Variants in ORC2 observed in about 807,000 individuals in gnomAD.
ORC2 encodes the protein origin recognition complex subunit 2, also known as origin recognition complex protein 2 homolog.
ORC2 carries 37 observed loss-of-function variants against 77.7 expected under a neutral mutation model. The observed-to-expected ratio is 0.48, with a 90% CI of 0.37 to 0.63. The LOEUF (loss-of-function observed/expected upper bound fraction) is 0.63, where lower values mean the gene tolerates loss of function less well. Among genes scored for constraint, ORC2 ranks in the 20% least tolerant of loss-of-function variants. The pLI is 0.00. For missense variants in ORC2, 557 were observed against 661.9 expected (o/e 0.84, Z 1.74); for synonymous variants, 201 against 229.5 (o/e 0.88, Z 1.12).
intron 5 of ORC2, among the ~76,000 whole-genome samples, chr2:200,948,202 T>C (rs2041286960): frequency 6.6e-6 from 1 of 151,860 alleles, no homozygotes; most frequent in Non-Finnish European, 1.5e-5. Flanking sequence ...CGTGAGCCAC[T>C]GCACCCAGCC....
At chr2:200,958,891 A>G (rs2041520506) in intron 2 of ORC2, among the ~76,000 whole-genome samples, 1 of 152,234 alleles carries the variant, frequency 6.6e-6, no homozygotes, top group South Asian at 2.1e-4. Flanking sequence ...GCTGCCAGCT[A>G]ATCAGTTTAC....
At chr2:200,926,941 C>A (rs752539071) in intron 11 of ORC2, 41 bp from the exon 12 acceptor site, 3 of 1,569,842 alleles carry the variant, frequency 1.9e-6, no homozygotes, top group Admixed American at 1.8e-5. Context: ...AACTTCAATA[C>A]CTCTTATTGC....
chr2:200,958,061 A>G lies in ORC2; in HGVS notation c.63T>C (p.Asp21=), dbSNP rs1167072147. The change falls in exon 3 of 18, where the codon GAT becomes GAC. Residue 21 remains aspartate, a synonymous_variant. Coordinates refer to ENST00000234296, the MANE Select transcript of ORC2 (RefSeq NM_006190.5). ...MLEVHFVGDD[D]VLNHILDREG... ...CTCTATCTAGAATGTGATTAAGAAC[A>G]TCATCATCTCCCACAAAGTGAACCT... The G allele has an allele frequency of 1.2e-6, 2 of 1,610,626 alleles. No homozygotes were observed. The highest frequency in any genetic ancestry group is 2.7e-5 in the African/African-American group (2 of 74,850).
chr2:200,955,503 G>A (rs879433661), intron 4 of ORC2, among the ~76,000 whole-genome samples: 2 of 152,134 alleles, frequency 1.3e-5, no homozygotes, highest in African/African-American at 4.8e-5. Context: ...CTATTTCTAT[G>A]TCCAGATTTT....
intron 4 of ORC2, among the ~76,000 whole-genome samples, chr2:200,956,200 G>C (rs1470110830): frequency 6.6e-6 from 1 of 151,958 alleles, no homozygotes; most frequent in East Asian, 1.9e-4. Flanking sequence ...CAAGTAACTA[G>C]GACTACAGGC....
chr2:200,931,438 C>G lies in ORC2; in HGVS notation c.818G>C (p.Arg273Pro). ...AGGGGAAACCTTGCTCAATAAGTTACGCAAAGTTTGCTTTAAAAAAAAGGA... is the reference window on the plus strand; with the variant it reads ...AGGGGAAACCTTGCTCAATAAGTTAGGCAAAGTTTGCTTTAAAAAAAAGGA... ...KRAKLDQQTL[R>P]NLLSKVSPSF... is the part of the protein sequence containing the mutation. Residue 273 changes from arginine (R) to proline (P), a missense_variant, in exon 11 of 18, where the codon CGT (arginine) becomes CCT (proline). Arg to Pro is a moderately radical substitution (Grantham distance 103). Coordinates refer to ENST00000234296, the MANE Select transcript of ORC2 (RefSeq NM_006190.5). 1.3e-6 allele frequency: 2 copies of G among 1,548,518 alleles called. No individual in the cohort carries two copies. Among genetic ancestry groups the G allele is most frequent in the Non-Finnish European group, 1.7e-6 (2 of 1,149,948 alleles).
intron 12 of ORC2, 52 bp downstream of exon 12, chr2:200,926,716 T>G: frequency 6.3e-7 from 1 of 1,580,616 alleles, no homozygotes; most frequent in East Asian, 2.2e-5. Flanking sequence ...ATGTGGGGGC[T>G]TGAATTGGCA....
At chr2:200,936,608 T>C (rs569928396) in intron 8 of ORC2, among the ~76,000 whole-genome samples, 3 of 152,310 alleles carry the variant, frequency 2.0e-5, no homozygotes, top group East Asian at 3.9e-4. Flanking sequence ...TAAATGTCTA[T>C]GGCTTAAACT....
At chr2:200,933,037 G>A (rs2040970433) in intron 10 of ORC2, among the ~76,000 whole-genome samples, 1 of 152,108 alleles carries the variant, frequency 6.6e-6, no homozygotes, top group Admixed American at 6.6e-5. Context: ...GTCTGATGAA[G>A]TCCTATTGTG....
chr2:200,933,838 G>T, intron 10 of ORC2, 38 bp downstream of exon 10: 1 of 1,202,084 alleles, frequency 8.3e-7, no homozygotes, highest in Non-Finnish European at 1.2e-6. Context: ...TCAGGACAGA[G>T]TAAAAAAAAT....
rs2041147132 is a variant in ORC2, at chr2:200,941,290, A to C, written c.422-11T>G. ...CTGAAGCAGAATGGCCTAAAGAATG[A>C]AACAAAAAGCCATGACTTACTACGG... is the stretch of plus-strand genomic sequence containing the variant. On this transcript the variant is annotated splice_polypyrimidine_tract_variant and intron_variant, in intron 6 of 17. Transcript: ENST00000234296. 1 of 1,607,440 alleles carries C rather than the reference A, an allele frequency of 6.2e-7. No individual in the cohort carries two copies. Among genetic ancestry groups the C allele is most frequent in the Non-Finnish European group, 8.5e-7 (1 of 1,175,334 alleles).
At chr2:200,957,906 G>T in intron 3 of ORC2, 124 bp downstream of exon 3, 1 of 562,290 alleles carries the variant, frequency 1.8e-6, no homozygotes, top group Non-Finnish European at 3.0e-6. Context: ...TTTTTATTTA[G>T]TTTTACTAAC....
chr2:200,942,060 G>C (rs1252659221), intron 6 of ORC2, among the ~76,000 whole-genome samples: 1 of 151,490 alleles, frequency 6.6e-6, no homozygotes, highest in African/African-American at 2.4e-5. Flanking sequence ...TGTGCTTATA[G>C]GCCCTGTTAC....
chr2:200,947,938 T>C (rs548199015), intron 5 of ORC2, among the ~76,000 whole-genome samples: 1 of 151,936 alleles, frequency 6.6e-6, no homozygotes, highest in South Asian at 2.1e-4. Flanking sequence ...AGACTGAGTC[T>C]CGCTCTGTCG....
intron 5 of ORC2, among the ~76,000 whole-genome samples, chr2:200,949,194 T>C (rs1455532327): frequency 6.6e-6 from 1 of 150,894 alleles, no homozygotes. Context: ...TGAGCCGAGA[T>C]TGCACCACTG....
chr2:200,921,175 AT>A, intron 13 of ORC2, 36 bp from the exon 14 acceptor site: 1 of 1,369,226 alleles, frequency 7.3e-7, no homozygotes, highest in South Asian at 1.3e-5. Flanking sequence ...TATTATTATT[AT>A]TTTTAGAGGG....
At chr2:200,952,591 T>C (rs747156687) in intron 4 of ORC2, among the ~76,000 whole-genome samples, 4 of 152,136 alleles carry the variant, frequency 2.6e-5, no homozygotes, top group Admixed American at 6.6e-5. Flanking sequence ...GAATGTCAAA[T>C]ATAGACAAAA....
At chr2:200,925,800 TTACTC>T (rs754525002) in intron 13 of ORC2, 31 bp downstream of exon 13, 4 of 925,550 alleles carry the variant, frequency 4.3e-6, no homozygotes, top group African/African-American at 1.6e-5. Flanking sequence ...ATGCTTAACT[TTACTC>T]TAAAACTACC....
At chr2:200,943,359 A>G (rs1427074078) in intron 5 of ORC2, among the ~76,000 whole-genome samples, 2 of 152,086 alleles carry the variant, frequency 1.3e-5, no homozygotes. Flanking sequence ...TTTTACTTTA[A>G]CAATTTTCTT....
Sources: allele counts gnomAD v4.1 joint callset (sites outside exome capture counted in the v4.1 genomes callset), GRCh38; gene constraint gnomAD v4.1.1; transcripts MANE v1.5; gene names NCBI Gene and HGNC (gene_info 2026-07-23, HGNC 2026-07-21).